Variants in PID1 observed in about 807,000 individuals in gnomAD.
PID1 encodes PTB-containing, cubilin and LRP1-interacting protein.
In PID1, 10 loss-of-function variants were observed where a neutral mutation model predicts 19.1. The ratio of observed to expected loss-of-function variants is 0.52; its 90% CI spans 0.32 to 0.89. The LOEUF is 0.89. Among genes scored for constraint, PID1 ranks in the 40% least tolerant of loss-of-function variants. The probability of loss-of-function intolerance (pLI) is 0.03; values close to 1 mark genes in which losing one functional copy is unlikely to be tolerated. For synonymous variants in PID1, 130 were observed against 116.0 expected, an observed-to-expected ratio of 1.12 and a Z score of -0.78; for missense variants, 248 against 285.3, an observed-to-expected ratio of 0.87 and a Z score of 0.94.
At chr2:229,058,530 G>T (rs1359056780) in intron 2 of PID1, among the ~76,000 whole-genome samples, 1 of 152,100 alleles carries the variant, frequency 6.6e-6, no homozygotes. Context: ...GCCCCTGCTG[G>T]CATGCATCAT....
At chr2:229,146,877 C>T (rs1690146816) in intron 2 of PID1, among the ~76,000 whole-genome samples, 1 of 152,098 alleles carries the variant, frequency 6.6e-6, no homozygotes, top group Non-Finnish European at 1.5e-5. Context: ...GGAATGCCTG[C>T]AGCCTACTAA....
chr2:229,155,556 G>A (rs901362433), intron 2 of PID1, among the ~76,000 whole-genome samples: 17 of 148,968 alleles, frequency 1.1e-4, no homozygotes, highest in African/African-American at 4.2e-4. Flanking sequence ...CTGGGCGACA[G>A]AGCGAGACTC....
intron 2 of PID1, among the ~76,000 whole-genome samples, chr2:229,041,624 G>A (rs1574577633): frequency 1.3e-5 from 2 of 152,196 alleles, no homozygotes; most frequent in South Asian, 2.1e-4. Context: ...TATTTACACA[G>A]AAACAAAGTA....
chr2:229,262,763 T>C (rs1690492103), intron 1 of PID1: 1 of 1,551,630 alleles, frequency 6.4e-7, no homozygotes, highest in Non-Finnish European at 8.7e-7. Context: ...GAACATGTCC[T>C]CGACTCTTCT....
At chr2:229,124,340 G>A (rs1279101918) in intron 2 of PID1, among the ~76,000 whole-genome samples, 2 of 151,980 alleles carry the variant, frequency 1.3e-5, no homozygotes, top group African/African-American at 4.8e-5. Context: ...TTATTGCTGT[G>A]TTGTCTCTTC....
intron 2 of PID1, among the ~76,000 whole-genome samples, chr2:229,155,335 G>C (rs941358834): frequency 6.6e-6 from 1 of 152,048 alleles, no homozygotes; most frequent in Non-Finnish European, 1.5e-5. Context: ...GGGAGGCTGA[G>C]GTGGGCAGAT....
chr2:229,187,359 T>C (rs1389909889), intron 1 of PID1, among the ~76,000 whole-genome samples: 1 of 152,126 alleles, frequency 6.6e-6, no homozygotes, highest in Non-Finnish European at 1.5e-5. Flanking sequence ...GACTGGGCAA[T>C]TTACAAAAGA....
At chr2:229,130,554 G>A (rs1689713129) in intron 2 of PID1, among the ~76,000 whole-genome samples, 1 of 152,210 alleles carries the variant, frequency 6.6e-6, no homozygotes, top group South Asian at 2.1e-4. Flanking sequence ...AGTTAATGAG[G>A]AAACTCGTAG....
At chr2:229,121,668 T>C (rs1695523513) in intron 2 of PID1, among the ~76,000 whole-genome samples, 1 of 152,200 alleles carries the variant, frequency 6.6e-6, no homozygotes, top group South Asian at 2.1e-4. Context: ...TGTCGGGCTC[T>C]CCTCTCAAAT....
At chr2:229,069,653 G>A (rs568872306) in intron 2 of PID1, among the ~76,000 whole-genome samples, 5 of 152,192 alleles carry the variant, frequency 3.3e-5, no homozygotes, top group Non-Finnish European at 5.9e-5. Context: ...AGCAGCGGGG[G>A]AGAGGATACA....
At chr2:229,235,712 T>C (rs1692309876) in intron 1 of PID1, among the ~76,000 whole-genome samples, 1 of 152,166 alleles carries the variant, frequency 6.6e-6, no homozygotes, top group Non-Finnish European at 1.5e-5. Flanking sequence ...TGTGGTCCTA[T>C]TAGTTACTTC....
rs1574563689 is a variant in PID1, at chr2:229,025,907, T to G, written c.379A>C (p.Thr127Pro). Residue 127 changes from threonine to proline, a missense_variant, in exon 3 of 3, where the codon ACC becomes CCC. Thr to Pro is a conservative substitution (Grantham distance 38). Transcript: ENST00000392055. ...TAGGCGATGCGGGCCACCTGGAAGG[T>G]ATCCATGTGCACTGTGGCCTCCCCT... ...HKGEATVHMD[T>P]FQVARIAYCT... 1 of 1,614,124 alleles carries G rather than the reference T, an allele frequency of 6.2e-7. No homozygotes were observed. Among genetic ancestry groups the G allele is most frequent in the Non-Finnish European group, 8.5e-7 (1 of 1,179,984 alleles).
At chr2:229,091,911 T>G (rs1694884727) in intron 2 of PID1, among the ~76,000 whole-genome samples, 1 of 152,196 alleles carries the variant, frequency 6.6e-6, no homozygotes, top group African/African-American at 2.4e-5. Context: ...ATCCTTATCC[T>G]GCAGACTTGC....
At chr2:229,199,526 G>T (rs1423806573) in intron 1 of PID1, among the ~76,000 whole-genome samples, 1 of 151,606 alleles carries the variant, frequency 6.6e-6, no homozygotes, top group Non-Finnish European at 1.5e-5. Context: ...TACAGCAAAA[G>T]AACAAAACTA....
chr2:229,131,984 G>A (rs560306897), intron 2 of PID1, among the ~76,000 whole-genome samples: 14 of 152,202 alleles, frequency 9.2e-5, no homozygotes, highest in South Asian at 6.2e-4. Context: ...TCTTAGAAAA[G>A]AGCAATGTAG....
At chr2:229,076,520 TCTC>T (rs1694561279) in intron 2 of PID1, among the ~76,000 whole-genome samples, 1 of 152,090 alleles carries the variant, frequency 6.6e-6, no homozygotes, top group Non-Finnish European at 1.5e-5. Context: ...ATTAGGTATT[TCTC>T]CTAATGTTAT....
At chr2:229,128,687 G>C (rs1005233781) in intron 2 of PID1, among the ~76,000 whole-genome samples, 1 of 152,032 alleles carries the variant, frequency 6.6e-6, no homozygotes, top group Middle Eastern at 3.2e-3. Context: ...ACCATGCATT[G>C]AATGTCTATT....
At chr2:229,128,653 A>T (rs1048930584) in intron 2 of PID1, among the ~76,000 whole-genome samples, 6 of 152,240 alleles carry the variant, frequency 3.9e-5, no homozygotes, top group Admixed American at 6.5e-5. Flanking sequence ...GCTAAAAAAA[A>T]TCTAAAAAAT....
chr2:229,187,671 C>G lies in PID1; in HGVS notation c.31-31707G>C, dbSNP rs79597792. 9.9e-5 allele frequency among the ~76,000 whole-genome samples: 15 copies of G among 152,278 alleles called. No homozygotes were observed. In the East Asian group the frequency reaches 2.1e-3, roughly 22 times the overall value. ...GCCAAACCATATCACTCCCTTATTT[C>G]ATTTATGTTTTCCTCTCTCCAGGAT... On this transcript the variant is annotated intron_variant, in intron 1 of 2. Transcript: ENST00000392055.
Sources: gnomAD v4.1 joint callset for allele counts (sites outside exome capture counted in the v4.1 genomes callset) on GRCh38, gnomAD v4.1.1 for gene constraint, MANE v1.5 for transcripts, NCBI Gene and HGNC (gene_info 2026-07-23, HGNC 2026-07-21) for gene names.